Variants in KNTC1 observed in about 807,000 individuals in gnomAD.
The protein encoded by KNTC1 is kinetochore-associated protein 1.
A neutral mutation model predicts 314.4 loss-of-function variants in KNTC1; 253 were observed. The observed-to-expected ratio is 0.80, with a 90% CI of 0.73 to 0.89. The LOEUF is 0.89. Ranked by LOEUF, KNTC1 falls within the 40% of genes least tolerant of loss-of-function variation. KNTC1 has a pLI of 0.00. For synonymous variants in KNTC1, 901 were observed against 901.4 expected (o/e 1.00, Z 0.01); for missense variants, 2,475 against 2,572.9 (o/e 0.96, Z 0.82).
At chr12:122,537,252 G>C (rs921182020) in intron 3 of KNTC1, among the ~76,000 whole-genome samples, 1 of 152,006 alleles carries the variant, frequency 6.6e-6, no homozygotes, top group Non-Finnish European at 1.5e-5. Context: ...TTAGTCATTT[G>C]GCTAACTTCC....
At chr12:122,528,101 G>A (rs956372305) in intron 1 of KNTC1, among the ~76,000 whole-genome samples, 12 of 152,146 alleles carry the variant, frequency 7.9e-5, no homozygotes, top group Non-Finnish European at 1.5e-4. Flanking sequence ...CCAGTTCCTA[G>A]AAAGGTGTCT....
chr12:122,578,217 T>C (rs1965159989), intron 31 of KNTC1, among the ~76,000 whole-genome samples: 1 of 152,144 alleles, frequency 6.6e-6, no homozygotes, highest in African/African-American at 2.4e-5. Flanking sequence ...AGATGAGGAA[T>C]ACTTGGTTTT....
At chr12:122,559,504 T>C (rs540931697) in intron 18 of KNTC1, among the ~76,000 whole-genome samples, 1 of 152,256 alleles carries the variant, frequency 6.6e-6, no homozygotes, top group South Asian at 2.1e-4. Context: ...TATACTTTTT[T>C]CCCCCAATTT....
At chr12:122,605,809 G>T (rs1872525273) in intron 51 of KNTC1, among the ~76,000 whole-genome samples, 1 of 152,166 alleles carries the variant, frequency 6.6e-6, no homozygotes, top group Non-Finnish European at 1.5e-5. Context: ...CTCTCAAAGT[G>T]CTGGGATTAC....
chr12:122,618,898 C>A (rs566944001), intron 59 of KNTC1, among the ~76,000 whole-genome samples: 1 of 151,346 alleles, frequency 6.6e-6, no homozygotes, highest in Admixed American at 6.6e-5. Flanking sequence ...TGAGCCATCC[C>A]GTGAGTAGCT....
In KNTC1 at chr12:122,601,563, G is replaced by A; in HGVS notation, c.4591G>A (p.Glu1531Lys). The A allele has an allele frequency of 6.5e-7, 1 of 1,537,926 alleles. No homozygotes were observed. The highest frequency in any genetic ancestry group is 8.8e-7 in the Non-Finnish European group (1 of 1,142,268). Residue 1531 changes from glutamate (E) to lysine (K), a missense_variant, in exon 45 of 64, where the codon GAA (glutamate) becomes AAA (lysine). Physicochemically the swap from Glu to Lys is moderately conservative, Grantham distance 56. Transcript: ENST00000333479. Reference sequence around the variant, plus strand: ...GGATCCTTATGACTATGAAATGATTGAAGTTGTCTTGAAAGTTATAGAACG... The same window carrying A: ...GGATCCTTATGACTATGAAATGATTAAAGTTGTCTTGAAAGTTATAGAACG... ...KLDPYDYEMIEVVLKVIERAD... is the reference protein window; with the variant it reads ...KLDPYDYEMIKVVLKVIERAD...
chr12:122,535,829 AAG>A (rs1011937639), intron 3 of KNTC1, among the ~76,000 whole-genome samples: 3 of 152,146 alleles, frequency 2.0e-5, no homozygotes, highest in Non-Finnish European at 2.9e-5. Context: ...AAACAAAAAA[AAG>A]AGTGAATTAA....
intron 4 of KNTC1, among the ~76,000 whole-genome samples, chr12:122,538,836 G>A (rs1348279175): frequency 1.3e-5 from 2 of 152,164 alleles, no homozygotes; most frequent in African/African-American, 2.4e-5. Flanking sequence ...AACTTTTAGC[G>A]CCTGTGAATT....
intron 38 of KNTC1, 67 bp from the exon 39 acceptor site, chr12:122,587,644 G>GTTTT: frequency 7.5e-7 from 1 of 1,337,462 alleles, no homozygotes; most frequent in Non-Finnish European, 1.0e-6. Flanking sequence ...CCTGAAAACA[G>GTTTT]TTTTCAATAA....
At chr12:122,556,806 A>G (rs1267041706) in intron 16 of KNTC1, among the ~76,000 whole-genome samples, 1 of 150,660 alleles carries the variant, frequency 6.6e-6, no homozygotes, top group Non-Finnish European at 1.5e-5. Context: ...AAGATTTCAC[A>G]TGTAAGTGAG....
chr12:122,610,959 CTGTT>C (rs1413915713), intron 53 of KNTC1, 59 bp downstream of exon 53: 2 of 1,246,900 alleles, frequency 1.6e-6, no homozygotes, highest in African/African-American at 1.5e-5. Context: ...CATTTTTTTC[CTGTT>C]TATTTACCAT....
At chr12:122,573,091 T>C in intron 25 of KNTC1, 35 bp downstream of exon 25, 1 of 1,613,406 alleles carries the variant, frequency 6.2e-7, no homozygotes. Flanking sequence ...ATTTTGTATA[T>C]CAAGTTATGG....
At chr12:122,602,798 G>A (rs1872111548) in intron 46 of KNTC1, 31 bp from the exon 47 acceptor site, 9 of 1,610,970 alleles carry the variant, frequency 5.6e-6, no homozygotes, top group Non-Finnish European at 7.6e-6. Context: ...TTTTTCTTAA[G>A]CAAATCGTAC....
intron 45 of KNTC1, chr12:122,602,012 A>G (rs1466591818): frequency 6.5e-6 from 1 of 152,794 alleles, no homozygotes; most frequent in Non-Finnish European, 1.5e-5. Context: ...GACCTACTCA[A>G]TTATGTCTCA....
intron 42 of KNTC1, chr12:122,592,971 C>T: frequency 6.5e-6 from 1 of 152,784 alleles, no homozygotes; most frequent in Non-Finnish European, 1.5e-5. Flanking sequence ...ACCACGAGCC[C>T]ACCGAGAGGA....
intron 4 of KNTC1, among the ~76,000 whole-genome samples, chr12:122,538,979 C>T (rs1344204255): frequency 1.3e-5 from 2 of 152,192 alleles, no homozygotes; most frequent in Admixed American, 6.5e-5. Flanking sequence ...TGAAGTCCAC[C>T]TTGTCTTCAG....
chr12:122,580,487 G>A, intron 32 of KNTC1, 116 bp from the exon 33 acceptor site: 1 of 627,404 alleles, frequency 1.6e-6, no homozygotes, highest in Non-Finnish European at 2.8e-6. Flanking sequence ...CATTTGAGAA[G>A]AACTACTGAA....
chr12:122,594,236 A>G, intron 42 of KNTC1, 40 bp from the exon 43 acceptor site: 2 of 1,114,058 alleles, frequency 1.8e-6, no homozygotes, highest in Non-Finnish European at 2.7e-6. Context: ...ATTTCAGTGT[A>G]GAGGGTTTTT....
rs1873314356 is a variant in KNTC1, at chr12:122,612,758, T to C, written c.5623-354T>C. The C allele has an allele frequency of 1.6e-5, 3 of 187,874 alleles. No individual in the cohort carries two copies. The South Asian group carries it at 3.8e-4, about 24-fold the overall frequency. 11.6% of individuals were successfully genotyped at this position (187,874 alleles called of 1,614,324 possible). On this transcript the variant is annotated intron_variant, in intron 53 of 63. Coordinates refer to ENST00000333479, the MANE Select transcript of KNTC1 (RefSeq NM_014708.6). Reference sequence around the variant, plus strand: ...AGTACTGCCAGGGCATGCCTGTAAATACAAGGGCTGCAACAACAGTTGGGG... The same window carrying C: ...AGTACTGCCAGGGCATGCCTGTAAACACAAGGGCTGCAACAACAGTTGGGG...
Sources: gnomAD v4.1 joint callset for allele counts (sites outside exome capture counted in the v4.1 genomes callset) on GRCh38, gnomAD v4.1.1 for gene constraint, MANE v1.5 for transcripts, NCBI Gene and HGNC (gene_info 2026-07-23, HGNC 2026-07-21) for gene names.